Variants in PTPRD observed in about 807,000 individuals in gnomAD.
PTPRD encodes receptor-type tyrosine-protein phosphatase delta.
PTPRD carries 34 observed loss-of-function variants against 214.5 expected under a neutral mutation model. The observed-to-expected ratio is 0.16, with a 90% confidence interval of 0.12 to 0.21. PTPRD has a LOEUF of 0.21. PTPRD is among the 10% of genes least tolerant of loss of function. The pLI is 1.00. For synonymous variants in PTPRD, 1,128 were observed against 845.7 expected (o/e 1.33, Z -5.79); for missense variants, 2,545 against 2,398.7 (o/e 1.06, Z -1.27).
intron 5 of PTPRD, among the ~76,000 whole-genome samples, chr9:9,902,322 T>C (rs1168128014): frequency 6.6e-6 from 1 of 152,202 alleles, no homozygotes; most frequent in Non-Finnish European, 1.5e-5. Context: ...TGCAACATCG[T>C]GTAAACCAAA....
intron 11 of PTPRD, among the ~76,000 whole-genome samples, chr9:8,872,639 A>T (rs2098322758): frequency 6.6e-6 from 1 of 152,230 alleles, no homozygotes; most frequent in Non-Finnish European, 1.5e-5. Context: ...TGTAGCCTAC[A>T]TTTATGTAAA....
chr9:8,881,735 G>A (rs1262469453), intron 11 of PTPRD, among the ~76,000 whole-genome samples: 1 of 152,174 alleles, frequency 6.6e-6, no homozygotes, highest in Admixed American at 6.5e-5. Flanking sequence ...CCAGAGAATG[G>A]AAGAAGCAGC....
intron 11 of PTPRD, among the ~76,000 whole-genome samples, chr9:8,734,880 G>A (rs915423764): frequency 4.6e-5 from 7 of 152,142 alleles, no homozygotes; most frequent in Non-Finnish European, 1.0e-4. Flanking sequence ...CTCAAACTAG[G>A]CCTTGAAGTT....
rs1205458413 is a variant in PTPRD at position 8,340,234 on chromosome 9, C to T, written c.5253+109G>A. On this transcript the variant is annotated intron_variant, in intron 42 of 45. Coordinates refer to ENST00000381196, the MANE Select transcript of PTPRD (RefSeq NM_002839.4). The stretch of plus-strand genomic sequence containing the variant: ...GATGGTCCGGATTATGTCCAGAGTG[C>T]ACTGCATTTCAAAAAAAATGATCTA... 5.5e-6 allele frequency: 7 copies of T among 1,268,742 alleles called. No individual in the cohort carries two copies. The East Asian group carries it at 1.4e-4, about 26-fold the overall frequency. The allele number at this position is 1,268,742 out of a possible 1,614,324, so 78.6% of individuals were successfully genotyped here. A position where few individuals can be genotyped will look rare whatever the true frequency, so the allele number is the denominator to read the frequency against.
chr9:8,730,702 A>G lies in PTPRD; in HGVS notation c.64+3078T>C, dbSNP rs1170292841. Among the ~76,000 whole-genome samples, 5 of 152,266 alleles carry G rather than the reference A, an allele frequency of 3.3e-5. No homozygotes were observed. The East Asian group carries it at 9.6e-4, about 29-fold the overall frequency. ...TATTATGAAAACTCATCCAGAAGAA[A>G]AACATTCACCTGAGGATTACATTAC... is the stretch of plus-strand genomic sequence containing the variant. On this transcript the variant is annotated intron_variant, in intron 12 of 45. Transcript: ENST00000381196.
chr9:9,304,776 A>G (rs934422744), intron 9 of PTPRD, among the ~76,000 whole-genome samples: 1 of 151,470 alleles, frequency 6.6e-6, no homozygotes, highest in African/African-American at 2.4e-5. Flanking sequence ...CCTAATGGAA[A>G]GGAAAAAGAG....
rs545141114 is a variant in PTPRD at position 9,317,946 on chromosome 9, C to T, written c.-203+79503G>A. Among the ~76,000 whole-genome samples the T allele has an allele frequency of 1.1e-4, 16 of 152,036 alleles. No individual in the cohort carries two copies. The East Asian group carries it at 1.9e-3, about 18-fold the overall frequency. On this transcript the variant is annotated intron_variant, in intron 9 of 45. Coordinates refer to ENST00000381196, the MANE Select transcript of PTPRD (RefSeq NM_002839.4). ...CAGCACTTTGGAAGGCCAAGACAGG[C>T]GGATCACTTGAGGTCTGGAGTTCAA... is the stretch of plus-strand genomic sequence containing the variant.
intron 7 of PTPRD, among the ~76,000 whole-genome samples, chr9:9,656,367 C>T (rs750279563): frequency 2.0e-5 from 3 of 152,102 alleles, no homozygotes; most frequent in African/African-American, 2.4e-5. Context: ...CCAAGATGTC[C>T]TTCAGTAGGT....
chr9:9,527,731 C>G (rs2074461910), intron 8 of PTPRD, among the ~76,000 whole-genome samples: 1 of 152,130 alleles, frequency 6.6e-6, no homozygotes, highest in East Asian at 1.9e-4. Context: ...ATTTATCTAC[C>G]TTCAATTACT....
At chr9:8,721,614 A>C (rs1224258931) in intron 12 of PTPRD, among the ~76,000 whole-genome samples, 1 of 152,208 alleles carries the variant, frequency 6.6e-6, no homozygotes, top group Non-Finnish European at 1.5e-5. Context: ...TTTAGCATTT[A>C]CTATGTGCAA....
At position 9,964,209 on chromosome 9, in the gene PTPRD, T is replaced by A. The variant is rs1026095923; in HGVS notation, c.-471-25599A>T. On this transcript the variant is annotated intron_variant, in intron 4 of 45. Transcript: ENST00000381196. ...ATTGGGGGAAAAAAGAATCATCAAGTCAATACTGAATTTAGTTTGGGAGTG... is the reference window on the plus strand; with the variant it reads ...ATTGGGGGAAAAAAGAATCATCAAGACAATACTGAATTTAGTTTGGGAGTG... Among the ~76,000 whole-genome samples, 7 of 151,908 alleles carry A rather than the reference T, an allele frequency of 4.6e-5. No homozygotes were observed. The South Asian group carries it at 1.5e-3, about 32-fold the overall frequency.
At chr9:8,380,869 T>G (rs990110210) in intron 37 of PTPRD, among the ~76,000 whole-genome samples, 7 of 152,062 alleles carry the variant, frequency 4.6e-5, no homozygotes, top group Admixed American at 2.6e-4. Flanking sequence ...ATTAACTAGA[T>G]TGGCTTATTT....
At chr9:9,509,868 T>C (rs1430368102) in intron 8 of PTPRD, among the ~76,000 whole-genome samples, 1 of 151,710 alleles carries the variant, frequency 6.6e-6, no homozygotes, top group Non-Finnish European at 1.5e-5. Context: ...ATTTGCCTAT[T>C]TGGCCTTAGC....
intron 4 of PTPRD, among the ~76,000 whole-genome samples, chr9:9,943,168 T>C (rs1214620421): frequency 6.6e-6 from 1 of 152,114 alleles, no homozygotes; most frequent in Non-Finnish European, 1.5e-5. Flanking sequence ...TTTTAACCCT[T>C]AAAGAACCAG....
intron 9 of PTPRD, among the ~76,000 whole-genome samples, chr9:9,279,198 A>G (rs1434433274): frequency 6.6e-6 from 1 of 150,696 alleles, no homozygotes; most frequent in Non-Finnish European, 1.5e-5. Flanking sequence ...ATGTATGTGT[A>G]TATGATTATA....
intron 7 of PTPRD, among the ~76,000 whole-genome samples, chr9:9,665,983 CT>C (rs1401563510): frequency 6.6e-6 from 1 of 151,716 alleles, no homozygotes; most frequent in Non-Finnish European, 1.5e-5. Context: ...TATGAAAGTC[CT>C]TTATCTTTCC....
intron 11 of PTPRD, among the ~76,000 whole-genome samples, chr9:8,990,804 C>A (rs1319864879): frequency 1.3e-5 from 2 of 152,252 alleles, no homozygotes; most frequent in African/African-American, 2.4e-5. Context: ...CAGGAAGAAT[C>A]TGAACAGAGA....
At chr9:10,293,954 G>C (rs1223810673) in intron 3 of PTPRD, among the ~76,000 whole-genome samples, 1 of 151,878 alleles carries the variant, frequency 6.6e-6, no homozygotes, top group African/African-American at 2.4e-5. Context: ...TATGCCTTCT[G>C]CAAACCCACA....
intron 9 of PTPRD, among the ~76,000 whole-genome samples, chr9:9,258,675 T>C (rs2131991879): frequency 6.6e-6 from 1 of 152,012 alleles, no homozygotes; most frequent in East Asian, 2.0e-4. Flanking sequence ...ACTAAGACTA[T>C]ACAATGGTGG....
Sources: allele counts gnomAD v4.1 joint callset (sites outside exome capture counted in the v4.1 genomes callset), GRCh38; gene constraint gnomAD v4.1.1; transcripts MANE v1.5; gene names NCBI Gene and HGNC (gene_info 2026-07-23, HGNC 2026-07-21).